TACC2: variants seen among roughly 807,000 people sequenced by gnomAD.
TACC2 encodes transforming acidic coiled-coil containing protein 2, also known as transforming acidic coiled-coil-containing protein 2.
TACC2 carries 137 observed loss-of-function variants against 227.3 expected under a neutral mutation model. The ratio of observed to expected loss-of-function variants is 0.60; its 90% CI spans 0.52 to 0.69. The LOEUF (loss-of-function observed/expected upper bound fraction) is 0.69, where lower values mean the gene tolerates loss of function less well. Among genes scored for constraint, TACC2 ranks in the 30% least tolerant of loss-of-function variants. TACC2 has a pLI of 0.00. For missense variants in TACC2, 3,470 were observed against 3,694.4 expected, an observed-to-expected ratio of 0.94 and a Z score of 1.57; for synonymous variants, 1,523 against 1,487.5, an observed-to-expected ratio of 1.02 and a Z score of -0.55.
In TACC2 at chr10:122,087,042, G is replaced by A. The variant is rs756335605; in HGVS notation, c.4542G>A (p.Val1514=). ...TWERNLPGAG[V]GKEMAGVPPT... is the part of the protein sequence containing the mutation. ...AGCGGAACTTGCCAGGTGCCGGTGTGGGGAAGGAGATGGCAGGTGTCCCAC... is the reference window on the plus strand; with the variant it reads ...AGCGGAACTTGCCAGGTGCCGGTGTAGGGAAGGAGATGGCAGGTGTCCCAC... The change falls in exon 4 of 23, where the codon GTG becomes GTA. Residue 1514 remains valine (V), a synonymous_variant. Coordinates refer to ENST00000369005, the MANE Select transcript of TACC2 (RefSeq NM_206862.4). 1.2e-6 allele frequency: 2 copies of A among 1,613,674 alleles called. No individual in the cohort carries two copies. Among genetic ancestry groups the A allele is most frequent in the Non-Finnish European group, 1.7e-6 (2 of 1,179,986 alleles).
At chr10:122,173,448 G>A (rs1364877818) in intron 7 of TACC2, among the ~76,000 whole-genome samples, 1 of 152,254 alleles carries the variant, frequency 6.6e-6, no homozygotes, top group Non-Finnish European at 1.5e-5. Flanking sequence ...GCTCAGATCA[G>A]TCTCCTGCCC....
rs959443361 is a variant in TACC2, at chr10:122,050,258, G to A, written c.34-180G>A. Reference sequence around the variant, plus strand: ...TGAGAGCAGCAGCCACCTTTGCTTCGCTGCCATATATCCTCAAGGCCTAGC... The same window carrying A: ...TGAGAGCAGCAGCCACCTTTGCTTCACTGCCATATATCCTCAAGGCCTAGC... On this transcript the variant is annotated intron_variant, in intron 2 of 22. Transcript: ENST00000369005. The surrounding 1 kb of genome is among the most constrained non-coding windows in gnomAD (Gnocchi z 4.6). Among the ~76,000 whole-genome samples the A allele has an allele frequency of 9.9e-5, 15 of 152,054 alleles. No individual in the cohort carries two copies. Among genetic ancestry groups the A allele is most frequent in the African/African-American group, 3.6e-4 (15 of 41,378 alleles).
intron 2 of TACC2, among the ~76,000 whole-genome samples, chr10:122,047,526 C>G (rs954302929): frequency 5.3e-5 from 8 of 152,150 alleles, no homozygotes; most frequent in African/African-American, 1.9e-4. Context: ...AGCCCCCTCT[C>G]GTGTGAGGAA....
intron 3 of TACC2, among the ~76,000 whole-genome samples, chr10:122,052,953 A>T (rs1345611453): frequency 6.6e-6 from 1 of 152,174 alleles, no homozygotes; most frequent in African/African-American, 2.4e-5. Flanking sequence ...AAGGATAAAG[A>T]GCATTTATCA....
rs554657489 is a variant in TACC2, at chr10:122,083,125, A to G, written c.625A>G (p.Met209Val). Residue 209 changes from methionine (M) to valine (V), a missense_variant, in exon 4 of 23, where the codon ATG becomes GTG. Around this residue, in one of 10 missense-constraint regions of TACC2, gnomAD observed 405 missense variants for 389.6 expected, o/e 1.04. Coordinates refer to ENST00000369005, the MANE Select transcript of TACC2 (RefSeq NM_206862.4). ...GMSPVPLREP[M>V]KAPLCGEGDQ... The stretch of plus-strand genomic sequence containing the variant: ...GTCGCCAGTACCCCTCAGAGAGCCA[A>G]TGAAGGCACCGCTGTGTGGAGAGGG... 9.9e-5 allele frequency: 159 copies of G among 1,613,052 alleles called. 3 individuals are homozygous for G. The South Asian group carries it at 1.6e-3, about 16-fold the overall frequency.
At chr10:122,075,263 C>T (rs772940754) in intron 3 of TACC2, among the ~76,000 whole-genome samples, 9 of 151,876 alleles carry the variant, frequency 5.9e-5, no homozygotes, top group Non-Finnish European at 1.0e-4. Flanking sequence ...ATGCCAAAAC[C>T]GGAATCCTCC....
chr10:122,158,863 AAGAC>A (rs1270697182), intron 7 of TACC2, among the ~76,000 whole-genome samples: 1 of 152,190 alleles, frequency 6.6e-6, no homozygotes, highest in Non-Finnish European at 1.5e-5. Context: ...TATTCATCAT[AAGAC>A]AGAGTTTTGC....
chr10:122,186,824 T>C (rs2094212019), intron 7 of TACC2, among the ~76,000 whole-genome samples: 1 of 152,208 alleles, frequency 6.6e-6, no homozygotes, highest in African/African-American at 2.4e-5. Context: ...AACCTGAGTT[T>C]TAAGATTCCA....
intron 1 of TACC2, among the ~76,000 whole-genome samples, chr10:122,004,917 G>C (rs773444943): frequency 6.6e-6 from 1 of 151,956 alleles, no homozygotes; most frequent in Non-Finnish European, 1.5e-5. Context: ...TTTTATCTAA[G>C]AGTTGTTTTA....
At chr10:122,092,001 T>A (rs1174238960) in intron 5 of TACC2, among the ~76,000 whole-genome samples, 1 of 152,230 alleles carries the variant, frequency 6.6e-6, no homozygotes, top group Non-Finnish European at 1.5e-5. Flanking sequence ...TTAAATGAGA[T>A]CCTTGATTCA....
At position 122,086,224 on chromosome 10, in the gene TACC2, A is replaced by C; in HGVS notation, c.3724A>C (p.Ser1242Arg). 6.2e-7 allele frequency: 1 copy of C among 1,613,874 alleles called. No individual in the cohort carries two copies. Among genetic ancestry groups the C allele is most frequent in the Non-Finnish European group, 8.5e-7 (1 of 1,180,020 alleles). ...APDTPYLHVD[S>R]AAQRGAEDSG... is the part of the protein sequence containing the mutation. ...TGACACCCCTTACCTGCATGTCGACAGTGCTGCCCAGAGAGGAGCAGAAGA... is the reference window on the plus strand; with the variant it reads ...TGACACCCCTTACCTGCATGTCGACCGTGCTGCCCAGAGAGGAGCAGAAGA... The change falls in exon 4 of 23, where the codon AGT becomes CGT. Residue 1242 changes from serine (S) to arginine (R), a missense_variant. This residue lies in a region of TACC2 where 1,924 missense variants were observed against 1,978.3 expected (regional missense o/e 0.97). Coordinates refer to ENST00000369005, the MANE Select transcript of TACC2 (RefSeq NM_206862.4).
intron 7 of TACC2, among the ~76,000 whole-genome samples, chr10:122,174,777 G>T (rs1212225330): frequency 6.6e-6 from 1 of 152,078 alleles, no homozygotes; most frequent in East Asian, 1.9e-4. Context: ...TTGTACAATA[G>T]ATCTAACTGT....
intron 2 of TACC2, among the ~76,000 whole-genome samples, chr10:122,046,156 CAA>C (rs2074962787): frequency 7.0e-6 from 1 of 143,820 alleles, no homozygotes; most frequent in South Asian, 2.2e-4. Flanking sequence ...GCCTGGGCAA[CAA>C]GAGCAAAACT....
At chr10:122,068,059 C>T (rs917378939) in intron 3 of TACC2, among the ~76,000 whole-genome samples, 4 of 151,972 alleles carry the variant, frequency 2.6e-5, no homozygotes, top group Non-Finnish European at 2.9e-5. Flanking sequence ...ACATTTTTAT[C>T]GCTATATCTT....
In TACC2 at chr10:122,083,997, G is replaced by A; in HGVS notation, c.1497G>A (p.Glu499=). ...VPAPSPQERG[E]HLNTEQSHEV... ...CCCCATCACCCCAGGAGAGGGGAGA[G>A]CACTTGAACACGGAGCAAAGCCATG... is the stretch of plus-strand genomic sequence containing the variant. The change falls in exon 4 of 23, where the codon GAG becomes GAA. Residue 499 remains glutamate (E), a synonymous_variant. Coordinates refer to ENST00000369005, the MANE Select transcript of TACC2 (RefSeq NM_206862.4). 1.9e-6 allele frequency: 3 copies of A among 1,614,026 alleles called. No homozygotes were observed. The highest frequency in any genetic ancestry group is 2.5e-6 in the Non-Finnish European group (3 of 1,179,988).
intron 7 of TACC2, among the ~76,000 whole-genome samples, chr10:122,147,311 A>G (rs963843935): frequency 2.6e-5 from 4 of 152,048 alleles, no homozygotes; most frequent in African/African-American, 9.7e-5. Flanking sequence ...CGCCTGGCTA[A>G]TTTTTGTATT....
At chr10:122,170,782 C>T (rs1309167302) in intron 7 of TACC2, among the ~76,000 whole-genome samples, 3 of 152,236 alleles carry the variant, frequency 2.0e-5, no homozygotes, top group African/African-American at 7.2e-5. Context: ...CTCCCCTCGC[C>T]TGATGTTCAC....
intron 9 of TACC2, among the ~76,000 whole-genome samples, chr10:122,214,124 G>A (rs2095353140): frequency 6.6e-6 from 1 of 152,112 alleles, no homozygotes; most frequent in African/African-American, 2.4e-5. Context: ...ACTTTTCCCT[G>A]TCCTTAGAAG....
At position 122,119,404 on chromosome 10, in the gene TACC2, C is replaced by T. The variant is rs78495090; in HGVS notation, c.5574-13205C>T. Among the ~76,000 whole-genome samples the T allele has an allele frequency of 7.7e-3, 1,172 of 152,264 alleles. 20 individuals are homozygous for T. Among genetic ancestry groups the T allele is most frequent in the African/African-American group, 0.026 (1,060 of 41,552 alleles). ...CCCTGCCCACCTAAGCCCCTGGACC[C>T]TCCATGTGATTTCTGTGCCCAGTGT... On this transcript the variant is annotated intron_variant, in intron 5 of 22. Coordinates refer to ENST00000369005, the MANE Select transcript of TACC2 (RefSeq NM_206862.4).
Sources: gnomAD v4.1 joint callset for allele counts (sites outside exome capture counted in the v4.1 genomes callset) on GRCh38, gnomAD v4.1.1 for gene constraint, gnomAD v4.1.1 regional missense constraint, Gnocchi (gnomAD v3.1) non-coding constraint, MANE v1.5 for transcripts, NCBI Gene and HGNC (gene_info 2026-07-23, HGNC 2026-07-21) for gene names.